PAK1: variants seen among roughly 807,000 people sequenced by gnomAD.
PAK1 encodes the protein p21 (RAC1) activated kinase 1.
Under a neutral mutation model 67.4 loss-of-function variants are expected in PAK1, and 29 were observed. The ratio of observed to expected loss-of-function variants is 0.43; its 90% confidence interval spans 0.32 to 0.59. The LOEUF is 0.59. Ranked by LOEUF, PAK1 falls within the 20% of genes least tolerant of loss-of-function variation. The probability of loss-of-function intolerance (pLI) is 0.07; values close to 1 mark genes in which losing one functional copy is unlikely to be tolerated. For synonymous variants in PAK1, 223 were observed against 237.4 expected, an observed-to-expected ratio of 0.94 and a Z score of 0.56; for missense variants, 337 against 670.7, an observed-to-expected ratio of 0.50 and a Z score of 5.50.
intron 1 of PAK1, among the ~76,000 whole-genome samples, chr11:77,435,788 G>A (rs367619243): frequency 6.3e-4 from 95 of 151,514 alleles, no homozygotes; most frequent in African/African-American, 2.2e-3. Context: ...GATTATAGGC[G>A]TAAGCCACTG....
At chr11:77,527,058 A>T in the PAK1 span, among the ~76,000 whole-genome samples, 1 of 152,286 alleles carries the variant, frequency 6.6e-6, no homozygotes, top group East Asian at 1.9e-4. Context: ...CCAATAAAGG[A>T]AATTAAGAAT....
chr11:77,424,468 A>G (rs1220012332), intron 1 of PAK1, among the ~76,000 whole-genome samples: 2 of 152,218 alleles, frequency 1.3e-5, no homozygotes, highest in African/African-American at 4.8e-5. Context: ...TACAGTAAAA[A>G]CAAATGTTCC....
At chr11:77,393,870 G>A (rs1592211441) in intron 1 of PAK1, among the ~76,000 whole-genome samples, 2 of 152,116 alleles carry the variant, frequency 1.3e-5, no homozygotes, top group Non-Finnish European at 2.9e-5. Context: ...AGGCGTGGTG[G>A]TGGGTGCCTG....
chr11:77,385,690 T>C (rs1950357719), intron 2 of PAK1, among the ~76,000 whole-genome samples: 1 of 152,126 alleles, frequency 6.6e-6, no homozygotes, highest in South Asian at 2.1e-4. Context: ...ACCCCGCCTC[T>C]ACTAAAAAAT....
At chr11:77,404,592 T>C (rs476925) in intron 1 of PAK1, among the ~76,000 whole-genome samples, 106,048 of 152,052 alleles carry the variant, frequency 0.7, 37,752 homozygotes, top group African/African-American at 0.84. Context: ...AATGAGAAAA[T>C]AGAAATCTTG....
intron 1 of PAK1, among the ~76,000 whole-genome samples, chr11:77,395,734 CT>C (rs1471693247): frequency 6.6e-6 from 1 of 152,216 alleles, no homozygotes. Context: ...CCTGACCCAC[CT>C]TTGGCAAACC....
chr11:77,486,111 C>T, the PAK1 span, among the ~76,000 whole-genome samples: 4 of 152,208 alleles, frequency 2.6e-5, no homozygotes, highest in African/African-American at 9.6e-5. Context: ...TGAAGCTTGA[C>T]TGATACACAC....
chr11:77,475,108 T>C (rs1958037905), upstream of PAK1: 1 of 152,198 alleles, frequency 6.6e-6, no homozygotes, highest in Non-Finnish European at 1.5e-5. Context: ...TTGGCTATTA[T>C]TATTATTTCC....
the PAK1 span, among the ~76,000 whole-genome samples, chr11:77,492,341 A>T: frequency 2.8e-5 from 4 of 144,484 alleles, no homozygotes; most frequent in Non-Finnish European, 4.4e-5. Context: ...ATCTCACAAA[A>T]AAAACAAAAA....
Position 77,332,777 on chromosome 11 carries a change from G to C in PAK1, c.1504C>G (p.Leu502Val). The change falls in exon 14 of 15, where the codon CTC (leucine) becomes GTC (valine). Residue 502 changes from leucine (L) to valine (V), a missense_variant. Transcript: ENST00000356341. ...CCTCTCTTCTCCACATCCATCTCGA[G>C]ACAGCGGTTCAGAAAGTCCCGGAAG... ...AIFRDFLNRC[L>V]EMDVEKRGSA... 1 of 1,613,812 alleles carries C rather than the reference G, an allele frequency of 6.2e-7. No individual in the cohort carries two copies. Among genetic ancestry groups the C allele is most frequent in the Non-Finnish European group, 8.5e-7 (1 of 1,179,748 alleles).
At position 77,379,397 on chromosome 11, in the gene PAK1, G is replaced by GA; in HGVS notation, c.292-10dup. Reference sequence around the variant, plus strand: ...CACTGCTCTGGCATTCCCTGTAAGAGAGACATGCAAGACTAACAGGAAGGC... The same window carrying GA: ...CACTGCTCTGGCATTCCCTGTAAGAGAAGACATGCAAGACTAACAGGAAGGC... On this transcript the variant is annotated splice_polypyrimidine_tract_variant and intron_variant, in intron 3 of 14. Coordinates refer to ENST00000356341, the MANE Select transcript of PAK1 (RefSeq NM_002576.5). 6.2e-7 allele frequency: 1 copy of GA among 1,610,684 alleles called. No individual in the cohort carries two copies. Among genetic ancestry groups the GA allele is most frequent in the Non-Finnish European group, 8.5e-7 (1 of 1,178,668 alleles).
chr11:77,427,546 T>A (rs1955615239), intron 1 of PAK1, among the ~76,000 whole-genome samples: 1 of 152,144 alleles, frequency 6.6e-6, no homozygotes. Context: ...GACCTGTGAA[T>A]GGACTTCAAA....
At chr11:77,464,028 T>C (rs1316335805) in intron 1 of PAK1, among the ~76,000 whole-genome samples, 1 of 152,224 alleles carries the variant, frequency 6.6e-6, no homozygotes, top group Non-Finnish European at 1.5e-5. Context: ...CAATTCAACA[T>C]ATAACCAATA....
intron 1 of PAK1, among the ~76,000 whole-genome samples, chr11:77,407,837 C>A (rs949177985): frequency 1.2e-4 from 19 of 152,182 alleles, no homozygotes; most frequent in African/African-American, 4.6e-4. Context: ...TTAACAGGGA[C>A]GAAGTCTGTT....
chr11:77,413,867 G>A (rs1954802898), intron 1 of PAK1, among the ~76,000 whole-genome samples: 1 of 152,130 alleles, frequency 6.6e-6, no homozygotes. Context: ...TACACAGGGT[G>A]AATGAGAGCC....
chr11:77,478,921 A>C (rs1958088181), upstream of PAK1, among the ~76,000 whole-genome samples: 1 of 68,144 alleles, frequency 1.5e-5, no homozygotes, highest in South Asian at 3.1e-4. Context: ...CTAAAAATAC[A>C]AAAAAAAAAA....
At chr11:77,445,640 CTT>C (rs1448187937) in intron 1 of PAK1, among the ~76,000 whole-genome samples, 1 of 152,188 alleles carries the variant, frequency 6.6e-6, no homozygotes, top group Non-Finnish European at 1.5e-5. Context: ...CAGAAAATCA[CTT>C]TTCCTACTTC....
intron 9 of PAK1, 51 bp from the exon 10 acceptor site, chr11:77,343,982 G>A (rs745389769): frequency 8.4e-7 from 1 of 1,184,132 alleles, no homozygotes; most frequent in Non-Finnish European, 1.3e-6. Flanking sequence ...CCCATTTATT[G>A]AGCACCTGCT....
upstream of PAK1, among the ~76,000 whole-genome samples, chr11:77,479,458 G>C (rs1592616619): frequency 6.6e-6 from 1 of 151,998 alleles, no homozygotes; most frequent in South Asian, 2.1e-4. Flanking sequence ...GGAGAGAAGG[G>C]GGAGAAGAAG....
Sources: allele counts gnomAD v4.1 joint callset (sites outside exome capture counted in the v4.1 genomes callset), GRCh38; gene constraint gnomAD v4.1.1; transcripts MANE v1.5; gene names NCBI Gene and HGNC (gene_info 2026-07-23, HGNC 2026-07-21).